Variants in ANK3 observed in about 807,000 individuals in gnomAD.
The protein encoded by ANK3 is ankyrin 3.
A neutral mutation model predicts 370.9 loss-of-function variants in ANK3; 57 were observed. The ratio of observed to expected loss-of-function variants is 0.15; its 90% confidence interval spans 0.12 to 0.19. ANK3 has a LOEUF of 0.19. Ranked by LOEUF, ANK3 falls within the 10% of genes least tolerant of loss-of-function variation. ANK3 has a pLI of 1.00. For synonymous variants in ANK3, 1,929 were observed against 1,946.3 expected (o/e 0.99, Z 0.23); for missense variants, 4,439 against 5,302.1 (o/e 0.84, Z 5.06).
At chr10:60,340,461 A>G (rs1297724320) in intron 1 of ANK3, among the ~76,000 whole-genome samples, 1 of 152,010 alleles carries the variant, frequency 6.6e-6, no homozygotes, top group Non-Finnish European at 1.5e-5. Context: ...CCCAGGCTGG[A>G]GTGCAAGTGG....
rs541031428 is a variant in ANK3 at position 60,339,458 on chromosome 10, T to C, written c.114+49967A>G. Among the ~76,000 whole-genome samples the C allele has an allele frequency of 5.9e-5, 9 of 152,302 alleles. No individual in the cohort carries two copies. In the South Asian group the frequency reaches 1.0e-3, roughly 18 times the overall value. ...TCTCATATGGTCTCTGAATCAGTTCTCCCTGTCATGTAAAACAAGGACAGG... is the reference window on the plus strand; with the variant it reads ...TCTCATATGGTCTCTGAATCAGTTCCCCCTGTCATGTAAAACAAGGACAGG... On this transcript the variant is annotated intron_variant, in intron 1 of 43. Transcript: ENST00000280772.
chr10:60,486,693 G>C (rs2075358258), intron 2 of ANK3, among the ~76,000 whole-genome samples: 1 of 152,128 alleles, frequency 6.6e-6, no homozygotes, highest in Non-Finnish European at 1.5e-5. Flanking sequence ...CTGCAGTCAA[G>C]ACTTTATTCT....
intron 2 of ANK3, among the ~76,000 whole-genome samples, chr10:60,404,103 A>G (rs1432463235): frequency 6.6e-6 from 1 of 152,204 alleles, no homozygotes; most frequent in African/African-American, 2.4e-5. Context: ...TTAAAGATCT[A>G]TATTAAGGTA....
chr10:60,304,831 CT>C (rs1166802635), intron 1 of ANK3, among the ~76,000 whole-genome samples: 2 of 152,172 alleles, frequency 1.3e-5, no homozygotes, highest in Non-Finnish European at 2.9e-5. Flanking sequence ...TTTCCCACCC[CT>C]GCTTCATTCA....
intron 39 of ANK3, 39 bp downstream of exon 39, chr10:60,064,118 T>C (rs773044243): frequency 1.4e-5 from 22 of 1,517,640 alleles, no homozygotes. Flanking sequence ...ATTACATTTA[T>C]GCAGTTTTGA....
At chr10:60,151,697 A>G (rs995023110) in intron 23 of ANK3, among the ~76,000 whole-genome samples, 1 of 152,226 alleles carries the variant, frequency 6.6e-6, no homozygotes, top group African/African-American at 2.4e-5. Flanking sequence ...ACCCAGCCTC[A>G]GATATTCCTT....
At chr10:60,431,597 T>A (rs1220746625) in intron 2 of ANK3, among the ~76,000 whole-genome samples, 1 of 151,926 alleles carries the variant, frequency 6.6e-6, no homozygotes, top group East Asian at 1.9e-4. Flanking sequence ...AGTTGGACAA[T>A]GAGAACACGA....
intron 1 of ANK3, among the ~76,000 whole-genome samples, chr10:60,681,798 C>T (rs920644): frequency 0.14 from 21,103 of 152,150 alleles, 1,877 homozygotes; most frequent in Middle Eastern, 0.26. Flanking sequence ...ATATTAAGAC[C>T]TTGATAATGA....
intron 2 of ANK3, among the ~76,000 whole-genome samples, chr10:60,440,007 T>G (rs2064259045): frequency 6.6e-6 from 1 of 152,216 alleles, no homozygotes; most frequent in Non-Finnish European, 1.5e-5. Context: ...AAAGTACATT[T>G]CAATATGCCC....
At position 60,186,918 on chromosome 10, in the gene ANK3, A is replaced by G; in HGVS notation, c.1888-6T>C. ...TGCAGTGGCGTATAACCATTCTGTCAACACAAATCACTTGGTCACATGCCC... is the reference window on the plus strand; with the variant it reads ...TGCAGTGGCGTATAACCATTCTGTCGACACAAATCACTTGGTCACATGCCC... On this transcript the variant is annotated splice_polypyrimidine_tract_variant and splice_region_variant and intron_variant, in intron 16 of 43. Transcript: ENST00000280772. 2 of 1,613,922 alleles carry G rather than the reference A, an allele frequency of 1.2e-6. No individual in the cohort carries two copies. Among genetic ancestry groups the G allele is most frequent in the African/African-American group, 1.3e-5 (1 of 75,040 alleles).
At chr10:60,408,543 G>A (rs1456314535) in intron 2 of ANK3, among the ~76,000 whole-genome samples, 1 of 152,092 alleles carries the variant, frequency 6.6e-6, no homozygotes, top group Non-Finnish European at 1.5e-5. Flanking sequence ...AGAACAATGG[G>A]CCAATTAAAC....
intron 2 of ANK3, among the ~76,000 whole-genome samples, chr10:60,430,854 T>C (rs2064004544): frequency 6.6e-6 from 1 of 152,182 alleles, no homozygotes; most frequent in African/African-American, 2.4e-5. Flanking sequence ...CTTAGCTGTG[T>C]AAGCCCAGGT....
At chr10:60,489,154 G>A (rs1378697692) in intron 2 of ANK3, among the ~76,000 whole-genome samples, 1 of 152,136 alleles carries the variant, frequency 6.6e-6, no homozygotes, top group African/African-American at 2.4e-5. Context: ...ACATAAACAT[G>A]AATAATAGTA....
chr10:60,600,590 T>A (rs1223265277), intron 2 of ANK3, among the ~76,000 whole-genome samples: 2 of 152,220 alleles, frequency 1.3e-5, no homozygotes, highest in Non-Finnish European at 2.9e-5. Context: ...ACTAGAAATA[T>A]GAACCTTCTC....
chr10:60,503,891 A>T (rs1218815873), intron 2 of ANK3, among the ~76,000 whole-genome samples: 1 of 152,152 alleles, frequency 6.6e-6, no homozygotes, highest in Non-Finnish European at 1.5e-5. Context: ...TGAGTCTTAT[A>T]TATGCGTTAT....
At chr10:60,272,924 A>G (rs1381482659) in intron 4 of ANK3, among the ~76,000 whole-genome samples, 2 of 152,204 alleles carry the variant, frequency 1.3e-5, no homozygotes, top group Admixed American at 1.3e-4. Flanking sequence ...ACACTAGTCT[A>G]TCCACACATC....
chr10:60,528,347 GCTGGTCTTGAA>G (rs1403914223), intron 2 of ANK3, among the ~76,000 whole-genome samples: 2 of 151,826 alleles, frequency 1.3e-5, no homozygotes, highest in African/African-American at 4.8e-5. Context: ...TGTTGGCCAG[GCTGGTCTTGAA>G]CTCCCAACCT....
intron 1 of ANK3, among the ~76,000 whole-genome samples, chr10:60,328,823 A>G (rs2050516549): frequency 1.3e-5 from 2 of 152,168 alleles, no homozygotes; most frequent in Admixed American, 1.3e-4. Flanking sequence ...CAAAGACACA[A>G]CAACAAAAAA....
At chr10:60,297,605 A>G (rs1356171308) in intron 1 of ANK3, among the ~76,000 whole-genome samples, 2 of 152,154 alleles carry the variant, frequency 1.3e-5, no homozygotes, top group Non-Finnish European at 2.9e-5. Context: ...TGGCAAACGT[A>G]TTTACTTTGC....
Sources: gnomAD v4.1 joint callset for allele counts (sites outside exome capture counted in the v4.1 genomes callset) on GRCh38, gnomAD v4.1.1 for gene constraint, MANE v1.5 for transcripts, NCBI Gene and HGNC (gene_info 2026-07-23, HGNC 2026-07-21) for gene names.